POGLUT3: variants seen among roughly 807,000 people sequenced by gnomAD.
The protein encoded by POGLUT3 is protein O-glucosyltransferase 3.
In POGLUT3, 48 loss-of-function variants were observed where a neutral mutation model predicts 54.3. The observed-to-expected ratio is 0.88, with a 90% CI of 0.70 to 1.12. The LOEUF (loss-of-function observed/expected upper bound fraction) is 1.12, where lower values mean the gene tolerates loss of function less well. POGLUT3 is among the 50% of genes most tolerant of loss of function. POGLUT3 has a pLI of 0.00. For missense variants in POGLUT3, 629 were observed against 618.7 expected, an observed-to-expected ratio of 1.02 and a Z score of -0.18; for synonymous variants, 218 against 237.4, an observed-to-expected ratio of 0.92 and a Z score of 0.75.
At chr11:108,479,517 T>A (rs991732795) in intron 5 of POGLUT3, 22 bp from the exon 6 acceptor site, 42 of 1,557,410 alleles carry the variant, frequency 2.7e-5, no homozygotes, top group Admixed American at 6.2e-5. Context: ...AAAACAAACA[T>A]AAACAAACTT....
intron 1 of POGLUT3, among the ~76,000 whole-genome samples, chr11:108,495,218 G>C (rs1290291386): frequency 6.6e-6 from 1 of 152,212 alleles, no homozygotes; most frequent in Admixed American, 6.5e-5. Context: ...GTTCTTTTGT[G>C]TGTGTGCAGT....
At chr11:108,488,486 G>A (rs1261956672) in intron 2 of POGLUT3, among the ~76,000 whole-genome samples, 7 of 152,196 alleles carry the variant, frequency 4.6e-5, no homozygotes, top group Admixed American at 4.6e-4. Flanking sequence ...AAGCCAGGCA[G>A]CCTCACTGAG....
chr11:108,495,800 A>T (rs1334332590), intron 1 of POGLUT3, among the ~76,000 whole-genome samples: 1 of 152,060 alleles, frequency 6.6e-6, no homozygotes, highest in East Asian at 1.9e-4. Flanking sequence ...GTAATTTTTA[A>T]AATTTTTATT....
chr11:108,491,250 A>C (rs758458925), intron 1 of POGLUT3, 83 bp from the exon 2 acceptor site: 1 of 1,121,476 alleles, frequency 8.9e-7, no homozygotes, highest in East Asian at 2.5e-5. Flanking sequence ...TGGATAACTT[A>C]AATATGTTGC....
intron 5 of POGLUT3, among the ~76,000 whole-genome samples, chr11:108,480,350 T>C (rs4582934): frequency 6.6e-6 from 1 of 152,258 alleles, no homozygotes; most frequent in African/African-American, 2.4e-5. Flanking sequence ...TGCATATTTG[T>C]TGGGTTAATA....
chr11:108,484,969 T>C (rs932126800), intron 3 of POGLUT3, among the ~76,000 whole-genome samples: 1 of 151,838 alleles, frequency 6.6e-6, no homozygotes, highest in Admixed American at 6.6e-5. Flanking sequence ...TTGGGGGATG[T>C]GGGGAGCCTG....
At position 108,473,452 on chromosome 11, in the gene POGLUT3, T is replaced by C. The variant is rs1241572212; in HGVS notation, c.*1375A>G. On this transcript the variant is annotated 3_prime_UTR_variant, in exon 8 of 8. Transcript: ENST00000323468. ...CTTGGACTGATGGTTACAAGGAGTATGTAATGAGCTTTCAGGCTATGAGTC... is the reference window on the plus strand; with the variant it reads ...CTTGGACTGATGGTTACAAGGAGTACGTAATGAGCTTTCAGGCTATGAGTC... The C allele has an allele frequency of 1.3e-5, 2 of 152,222 alleles. No homozygotes were observed. The highest frequency in any genetic ancestry group is 2.4e-5 in the African/African-American group (1 of 41,460). 9.4% of individuals were successfully genotyped at this position (152,222 alleles called of 1,614,324 possible). A position where few individuals can be genotyped will look rare whatever the true frequency, so the allele number is the denominator to read the frequency against.
chr11:108,497,886 T>C (rs1435921542), intron 1 of POGLUT3, among the ~76,000 whole-genome samples: 1 of 152,218 alleles, frequency 6.6e-6, no homozygotes, highest in Non-Finnish European at 1.5e-5. Context: ...GGCACACTCC[T>C]TGTAACGCCC....
At chr11:108,475,459 TTTTGTTTTTG>T (rs1479928550) in intron 7 of POGLUT3, among the ~76,000 whole-genome samples, 44 of 124,674 alleles carry the variant, frequency 3.5e-4, no homozygotes, top group African/African-American at 1.3e-3. Flanking sequence ...ATGGAGTTTT[TTTTGTTTTTG>T]TTTTTTTTTT....
Position 108,475,613 on chromosome 11 carries a change from G to A in POGLUT3, c.1399-661C>T, listed in dbSNP as rs981423482. 3.3e-5 allele frequency among the ~76,000 whole-genome samples: 5 copies of A among 151,420 alleles called. No individual in the cohort carries two copies. In the South Asian group the frequency reaches 6.3e-4, roughly 19 times the overall value. On this transcript the variant is annotated intron_variant, in intron 7 of 7. Coordinates refer to ENST00000323468, the MANE Select transcript of POGLUT3 (RefSeq NM_153705.5). Reference sequence around the variant, plus strand: ...CTCCTAAGTAGCTGGGACTACAGGCGCGTACCACCATGCCCAGCTAATTTT... The same window carrying A: ...CTCCTAAGTAGCTGGGACTACAGGCACGTACCACCATGCCCAGCTAATTTT...
chr11:108,484,865 G>A (rs1306037156), intron 3 of POGLUT3, among the ~76,000 whole-genome samples: 2 of 152,074 alleles, frequency 1.3e-5, no homozygotes, highest in African/African-American at 2.4e-5. Context: ...TCAGAAACAA[G>A]AACAAAAGGT....
chr11:108,494,305 CA>C (rs970204601), intron 1 of POGLUT3, among the ~76,000 whole-genome samples: 3 of 152,140 alleles, frequency 2.0e-5, no homozygotes, highest in African/African-American at 7.2e-5. Flanking sequence ...ACAGCTGCAG[CA>C]AAAGTGTTGA....
chr11:108,482,101 C>T lies in POGLUT3; in HGVS notation c.806G>A (p.Arg269Lys). 6.2e-7 allele frequency: 1 copy of T among 1,614,128 alleles called. No individual in the cohort carries two copies. The highest frequency in any genetic ancestry group is 8.5e-7 in the Non-Finnish European group (1 of 1,180,010). The change falls in exon 4 of 8, where the codon AGA becomes AAA. Residue 269 changes from arginine to lysine, a missense_variant. Arg to Lys is a conservative substitution (Grantham distance 26). Transcript: ENST00000323468. ...GTCATACGTTGGAAGGACAACATCT[C>T]TTGAATCCAGAGAGCCACACCATGA... ...IISWCGSLDS[R>K]DVVLPTYDIT...
At chr11:108,479,273 A>C in intron 6 of POGLUT3, 28 bp downstream of exon 6, 1 of 1,522,918 alleles carries the variant, frequency 6.6e-7, no homozygotes, top group Non-Finnish European at 8.9e-7. Context: ...GTTATTGCTT[A>C]AAGAAATAAA....
chr11:108,484,027 A>G (rs1317105796), intron 3 of POGLUT3, among the ~76,000 whole-genome samples: 1 of 152,082 alleles, frequency 6.6e-6, no homozygotes, highest in Non-Finnish European at 1.5e-5. Context: ...CTCACTGTGG[A>G]GTAGGGTTTC....
chr11:108,497,005 T>C (rs563493085), intron 1 of POGLUT3, among the ~76,000 whole-genome samples: 1 of 152,330 alleles, frequency 6.6e-6, no homozygotes, highest in East Asian at 1.9e-4. Flanking sequence ...AAGTCTCTGC[T>C]CCTGAAATCT....
intron 3 of POGLUT3, among the ~76,000 whole-genome samples, chr11:108,482,592 C>G (rs138906049): frequency 9.5e-4 from 144 of 152,070 alleles, no homozygotes; most frequent in African/African-American, 3.3e-3. Context: ...ACTAAACTTA[C>G]AAAAATTAGC....
At chr11:108,489,896 C>T (rs1299512972) in intron 2 of POGLUT3, among the ~76,000 whole-genome samples, 3 of 152,070 alleles carry the variant, frequency 2.0e-5, no homozygotes, top group African/African-American at 4.8e-5. Context: ...TGTTTTATTT[C>T]GTTTTGAGAC....
rs959962845 is a variant in POGLUT3 at position 108,473,324 on chromosome 11, T to C, written c.*1503A>G. The C allele has an allele frequency of 2.6e-5, 4 of 152,356 alleles. No homozygotes were observed. The highest frequency in any genetic ancestry group is 4.8e-5 in the African/African-American group (2 of 41,488). 9.4% of individuals were successfully genotyped at this position (152,356 alleles called of 1,614,324 possible). ...CGCCCATCTCGGCCTGCCAAAGTGCTGGGATTACAGGCGTGAGCCACTGCA... is the reference window on the plus strand; with the variant it reads ...CGCCCATCTCGGCCTGCCAAAGTGCCGGGATTACAGGCGTGAGCCACTGCA... On this transcript the variant is annotated 3_prime_UTR_variant, in exon 8 of 8. Transcript: ENST00000323468.
Sources: gnomAD v4.1 joint callset for allele counts (sites outside exome capture counted in the v4.1 genomes callset) on GRCh38, gnomAD v4.1.1 for gene constraint, MANE v1.5 for transcripts, NCBI Gene and HGNC (gene_info 2026-07-23, HGNC 2026-07-21) for gene names.